The following PLXNA4 variants were observed in gnomAD, a reference collection of about 807,000 sequenced individuals.
PLXNA4 encodes the protein plexin-A4.
Under a neutral mutation model 191.8 loss-of-function variants are expected in PLXNA4, and 44 were observed. The ratio of observed to expected loss-of-function variants is 0.23; its 90% CI spans 0.18 to 0.29. The LOEUF (loss-of-function observed/expected upper bound fraction) is 0.29, where lower values mean the gene tolerates loss of function less well. Among genes scored for constraint, PLXNA4 ranks in the 10% least tolerant of loss-of-function variants. The pLI is 1.00. For synonymous variants in PLXNA4, 1,082 were observed against 1,009.5 expected (o/e 1.07, Z -1.36); for missense variants, 1,800 against 2,488.8 (o/e 0.72, Z 5.89).
intron 25 of PLXNA4, among the ~76,000 whole-genome samples, chr7:132,157,184 G>A (rs1308740108): frequency 6.6e-6 from 1 of 152,198 alleles, no homozygotes; most frequent in Non-Finnish European, 1.5e-5. Context: ...GTGAGCACTG[G>A]AGACCTGTTT....
intron 3 of PLXNA4, among the ~76,000 whole-genome samples, chr7:132,476,067 G>T (rs1797118664): frequency 1.3e-5 from 2 of 152,186 alleles, no homozygotes; most frequent in Non-Finnish European, 2.9e-5. Flanking sequence ...GCCTCCCTGT[G>T]CGTGGGTGAA....
intron 3 of PLXNA4, among the ~76,000 whole-genome samples, chr7:132,474,216 A>T (rs530431335): frequency 9.5e-4 from 11 of 11,552 alleles, no homozygotes; most frequent in South Asian, 4.1e-3. Flanking sequence ...TCTCTGTCTC[A>T]CACACACACA....
At position 132,174,703 on chromosome 7, in the gene PLXNA4, G is replaced by A. The variant is rs531418914; in HGVS notation, c.4017+75C>T. 1.8e-5 allele frequency: 29 copies of A among 1,569,706 alleles called. No individual in the cohort carries two copies. The South Asian group carries it at 1.9e-4, about 10-fold the overall frequency. On this transcript the variant is annotated intron_variant, in intron 21 of 31. Transcript: ENST00000321063. Reference sequence around the variant, plus strand: ...CCCTGGCCTTAGTTTTCTCACCTCCGAAAGAAGGGGCTGGACTTGAAGATT... The same window carrying A: ...CCCTGGCCTTAGTTTTCTCACCTCCAAAAGAAGGGGCTGGACTTGAAGATT...
intron 2 of PLXNA4, among the ~76,000 whole-genome samples, chr7:132,639,737 G>C (rs1487068129): frequency 6.6e-6 from 1 of 152,132 alleles, no homozygotes; most frequent in Non-Finnish European, 1.5e-5. Flanking sequence ...CTATAGCTAG[G>C]AAACAAATGC....
rs1056889151 is a variant in PLXNA4 at position 132,521,177 on chromosome 7, TGAAAAAAAAAAA to T, written c.-86-12410_-86-12399del. Among the ~76,000 whole-genome samples the T allele has an allele frequency of 1.6e-4, 18 of 115,630 alleles. No individual in the cohort carries two copies. In the East Asian group the frequency reaches 1.9e-3, roughly 12 times the overall value. The allele number at this position is 115,630 out of a possible 152,430, so 75.9% of individuals were successfully genotyped here. A position where few individuals can be genotyped will look rare whatever the true frequency, so the allele number is the denominator to read the frequency against. ...GCTGAACGGAGATATATTTGCTCCT[TGAAAAAAAAAAA>T]AAAAAAAAAAAAATTCAGAATGACG... On this transcript the variant is annotated intron_variant, in intron 1 of 31. Coordinates refer to ENST00000321063, the MANE Select transcript of PLXNA4 (RefSeq NM_020911.2).
chr7:132,347,403 T>C (rs1803286202), intron 3 of PLXNA4, among the ~76,000 whole-genome samples: 2 of 152,090 alleles, frequency 1.3e-5, no homozygotes, highest in East Asian at 1.9e-4. Context: ...TGTAGGAAGT[T>C]TGGATTCCCA....
chr7:132,307,957 C>T (rs1801593016), intron 3 of PLXNA4, among the ~76,000 whole-genome samples: 1 of 152,168 alleles, frequency 6.6e-6, no homozygotes, highest in South Asian at 2.1e-4. Flanking sequence ...TCCCATTACA[C>T]ACATTCTCAG....
Position 132,145,302 on chromosome 7 carries a change from A to G in PLXNA4, c.5056-14T>C. The stretch of plus-strand genomic sequence containing the variant: ...CTGCAGTGTGCCCTGGAGAGGCAGG[A>G]TACGTCCAGACACAGCTCGACTCAC... On this transcript the variant is annotated splice_polypyrimidine_tract_variant and intron_variant, in intron 28 of 31. Transcript: ENST00000321063. 6.2e-7 allele frequency: 1 copy of G among 1,613,972 alleles called. No homozygotes were observed. The highest frequency in any genetic ancestry group is 2.2e-5 in the East Asian group (1 of 44,868).
At chr7:132,254,417 A>G (rs1799361685) in intron 4 of PLXNA4, among the ~76,000 whole-genome samples, 1 of 152,260 alleles carries the variant, frequency 6.6e-6, no homozygotes. Context: ...ATCCTTTCTG[A>G]GAGAATGGAG....
intron 3 of PLXNA4, among the ~76,000 whole-genome samples, chr7:132,376,308 C>T (rs922613037): frequency 5.3e-5 from 8 of 152,114 alleles, no homozygotes; most frequent in Non-Finnish European, 7.4e-5. Context: ...GACCCCCAGC[C>T]GAGGATACAG....
chr7:132,439,689 G>A (rs1795615559), intron 3 of PLXNA4, among the ~76,000 whole-genome samples: 1 of 152,140 alleles, frequency 6.6e-6, no homozygotes. Context: ...AACTCAAGGA[G>A]CAAGACCTGA....
chr7:132,373,728 T>A (rs1209304787), intron 3 of PLXNA4, among the ~76,000 whole-genome samples: 1 of 152,094 alleles, frequency 6.6e-6, no homozygotes, highest in East Asian at 1.9e-4. Flanking sequence ...AATAATGAGG[T>A]GCCCATGGAA....
intron 31 of PLXNA4, among the ~76,000 whole-genome samples, chr7:132,131,399 T>G (rs1794921974): frequency 6.6e-6 from 1 of 151,928 alleles, no homozygotes; most frequent in Non-Finnish European, 1.5e-5. Flanking sequence ...GGGGAGAGGA[T>G]GTCAGATAAC....
At chr7:132,306,440 C>A (rs186574161) in intron 3 of PLXNA4, among the ~76,000 whole-genome samples, 16 of 152,250 alleles carry the variant, frequency 1.1e-4, no homozygotes, top group Admixed American at 3.9e-4. Flanking sequence ...AGATCCTTGG[C>A]AAGCAATGAG....
chr7:132,474,254 A>G (rs1797041961), intron 3 of PLXNA4, among the ~76,000 whole-genome samples: 1 of 149,654 alleles, frequency 6.7e-6, no homozygotes, highest in Admixed American at 6.6e-5. Context: ...ACACACACAC[A>G]CACATGCACA....
intron 1 of PLXNA4, among the ~76,000 whole-genome samples, chr7:132,563,513 CCTG>C (rs1412956506): frequency 4.6e-5 from 2 of 43,768 alleles, no homozygotes; most frequent in Non-Finnish European, 7.7e-5. Context: ...TCCTCCTCCT[CCTG>C]CTGCTCCTCC....
At chr7:132,487,630 C>T (rs747466204) in intron 3 of PLXNA4, among the ~76,000 whole-genome samples, 1 of 152,184 alleles carries the variant, frequency 6.6e-6, no homozygotes, top group African/African-American at 2.4e-5. Context: ...CCCACCAAAG[C>T]TGGAAGCTGC....
intron 2 of PLXNA4, among the ~76,000 whole-genome samples, chr7:132,597,270 A>G (rs1034168614): frequency 1.3e-4 from 20 of 152,176 alleles, no homozygotes; most frequent in East Asian, 3.9e-4. Context: ...GTCTCCCCCA[A>G]TAGTTTGTTG....
At chr7:132,355,218 G>A (rs180754565) in intron 3 of PLXNA4, among the ~76,000 whole-genome samples, 27 of 152,280 alleles carry the variant, frequency 1.8e-4, no homozygotes, top group African/African-American at 5.3e-4. Context: ...CAGGGATGAC[G>A]CTTCCTGCTA....
Sources: allele counts gnomAD v4.1 joint callset (sites outside exome capture counted in the v4.1 genomes callset), GRCh38; gene constraint gnomAD v4.1.1; transcripts MANE v1.5; gene names NCBI Gene and HGNC (gene_info 2026-07-23, HGNC 2026-07-21).